MYLK: variants seen among roughly 807,000 people sequenced by gnomAD.
MYLK encodes the protein myosin light chain kinase.
MYLK carries 106 observed loss-of-function variants against 203.4 expected under a neutral mutation model. That is an observed-to-expected ratio of 0.52 (90% confidence interval 0.45 to 0.61). MYLK has a LOEUF of 0.61. Ranked by LOEUF, MYLK falls within the 20% of genes least tolerant of loss-of-function variation. The pLI is 0.00. For synonymous variants in MYLK, 867 were observed against 959.5 expected, an observed-to-expected ratio of 0.90 and a Z score of 1.78; for missense variants, 2,072 against 2,442.3, an observed-to-expected ratio of 0.85 and a Z score of 3.20.
intron 11 of MYLK, among the ~76,000 whole-genome samples, chr3:123,726,317 C>T (rs73860147): frequency 0.092 from 14,011 of 152,072 alleles, 1,610 homozygotes; most frequent in African/African-American, 0.27. Context: ...AACACCCTAG[C>T]CCTGGGGTGC....
intron 1 of MYLK, among the ~76,000 whole-genome samples, chr3:123,879,508 T>C (rs2033380203): frequency 6.6e-6 from 1 of 152,174 alleles, no homozygotes; most frequent in Admixed American, 6.5e-5. Flanking sequence ...CTTGTCATCC[T>C]TTAATTCTGT....
At chr3:123,797,026 A>G (rs2065011821) in intron 3 of MYLK, among the ~76,000 whole-genome samples, 1 of 152,224 alleles carries the variant, frequency 6.6e-6, no homozygotes, top group South Asian at 2.1e-4. Flanking sequence ...AACAGTGAGA[A>G]CTGGTCAAAT....
chr3:123,804,184 C>T (rs1352532908), intron 3 of MYLK, among the ~76,000 whole-genome samples: 1 of 152,156 alleles, frequency 6.6e-6, no homozygotes, highest in Admixed American at 6.5e-5. Flanking sequence ...CCTCTCCCTC[C>T]CACTCCCTCA....
In MYLK at chr3:123,798,606, C is replaced by T. The variant is rs557776206; in HGVS notation, c.-3-4762G>A. ...TCAAAAGGCACCTGCTTGATCTCAA[C>T]AGCACATTAGACAGGAGTCATCCAT... is the stretch of plus-strand genomic sequence containing the variant. On this transcript the variant is annotated intron_variant, in intron 3 of 33. Transcript: ENST00000360304. 4.6e-5 allele frequency among the ~76,000 whole-genome samples: 7 copies of T among 152,298 alleles called. No homozygotes were observed. The East Asian group carries it at 1.2e-3, about 25-fold the overall frequency.
chr3:123,800,613 G>A (rs562109330), intron 3 of MYLK, among the ~76,000 whole-genome samples: 7 of 152,164 alleles, frequency 4.6e-5, no homozygotes, highest in Non-Finnish European at 1.0e-4. Context: ...CCTCTAAAAT[G>A]AGGCAGCAAG....
intron 2 of MYLK, among the ~76,000 whole-genome samples, chr3:123,853,768 G>A (rs1235872117): frequency 1.3e-5 from 2 of 152,078 alleles, no homozygotes; most frequent in Non-Finnish European, 2.9e-5. Context: ...GGATAAGGAT[G>A]AGCATATTTT....
chr3:123,645,115 TAAC>T (rs143912731), intron 27 of MYLK, among the ~76,000 whole-genome samples: 5,472 of 152,290 alleles, frequency 0.036, 114 homozygotes, highest in Middle Eastern at 0.072. Context: ...ATCATACTAC[TAAC>T]AATAACTCCC....
intron 4 of MYLK, among the ~76,000 whole-genome samples, chr3:123,757,055 C>G (rs566219078): frequency 7.2e-5 from 11 of 152,250 alleles, no homozygotes; most frequent in African/African-American, 2.6e-4. Context: ...GAGCTGCAGG[C>G]AGGCAGTCGC....
intron 2 of MYLK, among the ~76,000 whole-genome samples, chr3:123,853,348 A>G (rs1355964827): frequency 6.6e-6 from 1 of 152,146 alleles, no homozygotes; most frequent in African/African-American, 2.4e-5. Flanking sequence ...TTTCTTATGG[A>G]AAAGGAAAGG....
chr3:123,765,935 T>C (rs2063688400), intron 4 of MYLK, among the ~76,000 whole-genome samples: 1 of 152,114 alleles, frequency 6.6e-6, no homozygotes, highest in African/African-American at 2.4e-5. Context: ...TAAGAAGTTA[T>C]TGTTTAATGG....
At chr3:123,726,314 TAG>T (rs1435234466) in intron 11 of MYLK, among the ~76,000 whole-genome samples, 39 of 152,326 alleles carry the variant, frequency 2.6e-4, no homozygotes, top group African/African-American at 8.7e-4. Flanking sequence ...CAAAACACCC[TAG>T]CCCTGGGGTG....
chr3:123,686,025 C>T (rs1178682396), intron 19 of MYLK, among the ~76,000 whole-genome samples: 1 of 152,214 alleles, frequency 6.6e-6, no homozygotes, highest in East Asian at 1.9e-4. Context: ...GCCAGCAGAC[C>T]TCCATGCGAA....
chr3:123,649,787 G>A (rs1014936232), intron 24 of MYLK, among the ~76,000 whole-genome samples: 6 of 152,152 alleles, frequency 3.9e-5, no homozygotes, highest in Admixed American at 1.3e-4. Flanking sequence ...CCATAATCAC[G>A]CACATATCAC....
chr3:123,702,772 T>G (rs2108600225), intron 16 of MYLK, among the ~76,000 whole-genome samples: 1 of 152,324 alleles, frequency 6.6e-6, no homozygotes, highest in Non-Finnish European at 1.5e-5. Context: ...GAGGATTGCT[T>G]GAGCTCGCAC....
chr3:123,738,358 G>C (rs1225384389), intron 7 of MYLK, among the ~76,000 whole-genome samples: 1 of 152,164 alleles, frequency 6.6e-6, no homozygotes, highest in Admixed American at 6.5e-5. Flanking sequence ...GTAACAGAGG[G>C]AGAGTTGTAA....
intron 18 of MYLK, among the ~76,000 whole-genome samples, chr3:123,695,582 T>C (rs2605419): frequency 0.69 from 104,269 of 152,144 alleles, 39,176 homozygotes; most frequent in Non-Finnish European, 0.87. Flanking sequence ...CAGAGTTCTT[T>C]GAGTGGATTA....
In MYLK at chr3:123,780,130, C is replaced by A. The variant is rs985181465; in HGVS notation, c.165+13547G>T. On this transcript the variant is annotated intron_variant, in intron 4 of 33. Transcript: ENST00000360304. Reference sequence around the variant, plus strand: ...AACCACCAGGTCCCTACTCCAAAATCTTGTTTAAAATTTATTTTTATGGTT... The same window carrying A: ...AACCACCAGGTCCCTACTCCAAAATATTGTTTAAAATTTATTTTTATGGTT... 6.6e-5 allele frequency among the ~76,000 whole-genome samples: 10 copies of A among 152,160 alleles called. 1 individual carries two copies. Among genetic ancestry groups the A allele is most frequent in the Admixed American group, 6.5e-4 (10 of 15,280 alleles).
chr3:123,858,378 C>G (rs746447484), intron 2 of MYLK, among the ~76,000 whole-genome samples: 20 of 152,124 alleles, frequency 1.3e-4, no homozygotes, highest in Non-Finnish European at 2.6e-4. Flanking sequence ...CCTGAGATAG[C>G]CATAGGCCTC....
At chr3:123,874,407 T>C (rs955567476) in intron 2 of MYLK, among the ~76,000 whole-genome samples, 1 of 152,178 alleles carries the variant, frequency 6.6e-6, no homozygotes, top group Non-Finnish European at 1.5e-5. Context: ...AATCTTTTCA[T>C]TGTGGTGCTA....
Sources: allele counts gnomAD v4.1 joint callset (sites outside exome capture counted in the v4.1 genomes callset), GRCh38; gene constraint gnomAD v4.1.1; transcripts MANE v1.5; gene names NCBI Gene and HGNC (gene_info 2026-07-23, HGNC 2026-07-21).